The following RSAD2 variants were observed in gnomAD, a reference collection of about 807,000 sequenced individuals.
RSAD2 encodes the protein radical S-adenosyl methionine domain containing 2.
Under a neutral mutation model 37.7 loss-of-function variants are expected in RSAD2, and 38 were observed. The ratio of observed to expected loss-of-function variants is 1.01; its 90% CI spans 0.78 to 1.32. The LOEUF (loss-of-function observed/expected upper bound fraction) is 1.32, where lower values mean the gene tolerates loss of function less well. RSAD2 is among the 40% of genes most tolerant of loss of function. The probability of loss-of-function intolerance (pLI) is 0.00; values close to 1 mark genes in which losing one functional copy is unlikely to be tolerated. For synonymous variants in RSAD2, 163 were observed against 157.4 expected (o/e 1.04, Z -0.27); for missense variants, 428 against 437.5 (o/e 0.98, Z 0.19).
chr2:6,884,053 A>C (rs943705286), intron 2 of RSAD2, among the ~76,000 whole-genome samples: 7 of 152,346 alleles, frequency 4.6e-5, no homozygotes, highest in South Asian at 4.1e-4. Flanking sequence ...TCCATATAGC[A>C]GTTCTTAAAA....
upstream of RSAD2, chr2:6,876,602 T>C (rs1266029489): frequency 1.3e-5 from 2 of 152,226 alleles, no homozygotes; most frequent in African/African-American, 2.4e-5. Flanking sequence ...CTGAGACATA[T>C]CTACTGTTGA....
chr2:6,875,629 A>G (rs1385408170), upstream of RSAD2, among the ~76,000 whole-genome samples: 1 of 152,204 alleles, frequency 6.6e-6, no homozygotes, highest in Non-Finnish European at 1.5e-5. Context: ...TTCCAGGCCC[A>G]TATTTTATTC....
chr2:6,890,129 C>A (rs1663600767), intron 3 of RSAD2, 47 bp from the exon 4 acceptor site: 1 of 1,594,540 alleles, frequency 6.3e-7, no homozygotes, highest in African/African-American at 1.3e-5. Flanking sequence ...TGGGGGAAAA[C>A]ACGATGGAAA....
At chr2:6,867,661 C>CCAGT (rs1481553230) in intron 1 of RSAD2, among the ~76,000 whole-genome samples, 1 of 152,146 alleles carries the variant, frequency 6.6e-6, no homozygotes, top group Non-Finnish European at 1.5e-5. Flanking sequence ...CAGTCACGTG[C>CCAGT]CAGTCTATTT....
rs1663775733 is a variant in RSAD2, at chr2:6,896,389, ATATTTCCATTTTGAAAC to A, written c.*454_*470del. 6.5e-6 allele frequency: 1 copy of A among 152,902 alleles called. No homozygotes were observed. Among genetic ancestry groups the A allele is most frequent in the African/African-American group, 2.4e-5 (1 of 41,460 alleles). 9.5% of individuals were successfully genotyped at this position (152,902 alleles called of 1,614,324 possible). A position where few individuals can be genotyped will look rare whatever the true frequency, so the allele number is the denominator to read the frequency against. ...TAAAACAATGTTTACTGCGATTTCTATATTTCCATTTTGAAACTATTTCTTGTTCCAGGTTTGTTCAT... is the reference window on the plus strand; with the variant it reads ...TAAAACAATGTTTACTGCGATTTCTATATTTCTTGTTCCAGGTTTGTTCAT... On this transcript the variant is annotated 3_prime_UTR_variant, in exon 6 of 6. Transcript: ENST00000382040.
chr2:6,890,203 G>A lies in RSAD2; in HGVS notation c.766G>A (p.Glu256Lys). The A allele has an allele frequency of 1.9e-6, 3 of 1,614,176 alleles. No homozygotes were observed. Among genetic ancestry groups the A allele is most frequent in the Non-Finnish European group, 2.5e-6 (3 of 1,180,006 alleles). ...GTTCCAGTGCCTCTTAATTGAGGGT[G>A]AGAATTGTGGAGAAGATGCTCTAAG... ...KVFQCLLIEG[E>K]NCGEDALREA... Residue 256 changes from glutamate to lysine, a missense_variant, in exon 4 of 6, where the codon GAG becomes AAG. Coordinates refer to ENST00000382040, the MANE Select transcript of RSAD2 (RefSeq NM_080657.5).
At chr2:6,873,848 C>T (rs758892449), upstream of RSAD2, among the ~76,000 whole-genome samples, 1 of 152,198 alleles carries the variant, frequency 6.6e-6, no homozygotes, top group Non-Finnish European at 1.5e-5. Flanking sequence ...TGCTTAACTC[C>T]CTTTAAGTTA....
intron 1 of RSAD2, among the ~76,000 whole-genome samples, chr2:6,869,799 T>C (rs543095548): frequency 6.6e-6 from 1 of 152,294 alleles, no homozygotes; most frequent in African/African-American, 2.4e-5. Context: ...ACAGAAATAG[T>C]CCTTCAAGAC....
rs376348042 is a variant in RSAD2 at position 6,883,872 on chromosome 2, T to C, written c.508+340T>C. On this transcript the variant is annotated intron_variant, in intron 2 of 5. Transcript: ENST00000382040. ...CATTTGACAGCTTTGTAATAAAATA[T>C]CTCTGTTGGGACTGGACTGGATCCA... 14 of 225,496 alleles carry C rather than the reference T, an allele frequency of 6.2e-5. No homozygotes were observed. The East Asian group carries it at 1.6e-3, about 25-fold the overall frequency. The allele number at this position is 225,496 out of a possible 1,614,324, so 14.0% of individuals were successfully genotyped here. A position where few individuals can be genotyped will look rare whatever the true frequency, so the allele number is the denominator to read the frequency against.
At chr2:6,887,263 CTG>C in intron 3 of RSAD2, 99 bp downstream of exon 3, 1 of 849,366 alleles carries the variant, frequency 1.2e-6, no homozygotes, top group South Asian at 1.7e-5. Context: ...CAAGAGAACT[CTG>C]GACCTCGCAA....
At position 6,897,540 on chromosome 2, in the gene RSAD2, G is replaced by A. The variant is rs753754458; in HGVS notation, c.*1598G>A. 5.9e-5 allele frequency: 9 copies of A among 152,114 alleles called. No homozygotes were observed. Among genetic ancestry groups the A allele is most frequent in the Non-Finnish European group, 1.2e-4 (8 of 68,018 alleles). 9.4% of individuals were successfully genotyped at this position (152,114 alleles called of 1,614,324 possible). On this transcript the variant is annotated 3_prime_UTR_variant, in exon 6 of 6. Transcript: ENST00000382040. ...TATGTGTGTGTCTCATCCAGGATAGGATAGGTTGTCTTCTATTTTCCATTT... is the reference window on the plus strand; with the variant it reads ...TATGTGTGTGTCTCATCCAGGATAGAATAGGTTGTCTTCTATTTTCCATTT...
chr2:6,870,076 G>T (rs1489009096), intron 1 of RSAD2, among the ~76,000 whole-genome samples: 2 of 152,138 alleles, frequency 1.3e-5, no homozygotes, highest in East Asian at 3.8e-4. Context: ...TACCTGATTG[G>T]GACCCTAGGT....
chr2:6,887,123 A>C lies in RSAD2; in HGVS notation c.697A>C (p.Met233Leu). ...VINRFNVEED[M>L]TEQIKALNPV... ...TAATCGTTTCAACGTGGAAGAGGAC[A>C]TGACGGAACAGATCAAAGCACTAAA... Residue 233 changes from methionine (M) to leucine (L), a missense_variant, in exon 3 of 6, where the codon ATG becomes CTG. By Grantham distance (15) the Met-to-Leu change is conservative (BLOSUM62 2). Transcript: ENST00000382040. 1 of 1,614,160 alleles carries C rather than the reference A, an allele frequency of 6.2e-7. No homozygotes were observed. Among genetic ancestry groups the C allele is most frequent in the African/African-American group, 1.3e-5 (1 of 75,064 alleles).
At chr2:6,893,763 A>G (rs924210924) in intron 5 of RSAD2, 60 bp downstream of exon 5, 27 of 1,209,200 alleles carry the variant, frequency 2.2e-5, no homozygotes, top group Non-Finnish European at 2.8e-5. Context: ...CAGTAATGGC[A>G]GAGTTGAGTT....
rs117416073 is a variant in RSAD2 at position 6,887,740 on chromosome 2, C to T, written c.738+576C>T. Among the ~76,000 whole-genome samples the T allele has an allele frequency of 8.7e-4, 133 of 152,330 alleles. No individual in the cohort carries two copies. In the East Asian group the frequency reaches 0.019, roughly 22 times the overall value. On this transcript the variant is annotated intron_variant, in intron 3 of 5. Transcript: ENST00000382040. Reference sequence around the variant, plus strand: ...TCCCAGTTTTCTACCTTTGACTGCTCGTCAGAAGCAAATCAGGAGGCTGTT... The same window carrying T: ...TCCCAGTTTTCTACCTTTGACTGCTTGTCAGAAGCAAATCAGGAGGCTGTT...
Position 6,896,193 on chromosome 2 carries a change from T to G in RSAD2, c.*251T>G. 1 of 375,292 alleles carries G rather than the reference T, an allele frequency of 2.7e-6. No homozygotes were observed. The highest frequency in any genetic ancestry group is 4.1e-5 in the East Asian group (1 of 24,140). The allele number at this position is 375,292 out of a possible 1,614,324, so 23.2% of individuals were successfully genotyped here. On this transcript the variant is annotated 3_prime_UTR_variant, in exon 6 of 6. Transcript: ENST00000382040. ...TTGTTATTGAAACAGCACTTCTGTT[T>G]TTGAGTTTGTTTTAGCTAAAAAGAA...
At chr2:6,875,621 C>G (rs774905321), upstream of RSAD2, among the ~76,000 whole-genome samples, 5 of 152,202 alleles carry the variant, frequency 3.3e-5, no homozygotes, top group Non-Finnish European at 7.3e-5. Context: ...TAGAAACATT[C>G]CAGGCCCATA....
chr2:6,880,324 A>T (rs1049736552), intron 1 of RSAD2, among the ~76,000 whole-genome samples: 1 of 152,158 alleles, frequency 6.6e-6, no homozygotes. Context: ...GTCAGAGCCC[A>T]CTCTCTTACA....
chr2:6,894,562 G>A lies in RSAD2; in HGVS notation c.921+859G>A, dbSNP rs572127188. On this transcript the variant is annotated intron_variant, in intron 5 of 5. Coordinates refer to ENST00000382040, the MANE Select transcript of RSAD2 (RefSeq NM_080657.5). ...GCTCACTGCAGCCTCAGCCACCTGG[G>A]CTCAGGTGATCCTTCTGCCTCAGCC... 2.6e-5 allele frequency among the ~76,000 whole-genome samples: 4 copies of A among 152,226 alleles called. No individual in the cohort carries two copies. In the South Asian group the frequency reaches 6.2e-4, roughly 24 times the overall value.
Sources: gnomAD v4.1 joint callset for allele counts (sites outside exome capture counted in the v4.1 genomes callset) on GRCh38, gnomAD v4.1.1 for gene constraint, MANE v1.5 for transcripts, NCBI Gene and HGNC (gene_info 2026-07-23, HGNC 2026-07-21) for gene names.